YLPM1: variants seen among roughly 807,000 people sequenced by gnomAD.
YLPM1 encodes the protein YLP motif containing 1.
YLPM1 carries 99 observed loss-of-function variants against 230.0 expected under a neutral mutation model. The ratio of observed to expected loss-of-function variants is 0.43; its 90% CI spans 0.37 to 0.51. The LOEUF is 0.51. Ranked by LOEUF, YLPM1 falls within the 20% of genes least tolerant of loss-of-function variation. The pLI, the probability that YLPM1 is intolerant of heterozygous loss-of-function variation, is 0.00. For missense variants in YLPM1, 2,592 were observed against 2,707.7 expected (o/e 0.96, Z 0.95); for synonymous variants, 984 against 942.5 (o/e 1.04, Z -0.81).
chr14:74,794,065 A>G (rs1261585902), intron 4 of YLPM1, among the ~76,000 whole-genome samples: 2 of 152,060 alleles, frequency 1.3e-5, no homozygotes, highest in African/African-American at 2.4e-5. Context: ...CAAGATTTTC[A>G]TCTTCTGATT....
Position 74,836,906 on chromosome 14 carries a change from A to G in YLPM1, c.*1168A>G, listed in dbSNP as rs1222392019. 2.6e-5 allele frequency: 4 copies of G among 152,468 alleles called. No homozygotes were observed. Among genetic ancestry groups the G allele is most frequent in the East Asian group, 1.9e-4 (1 of 5,202 alleles). 9.4% of individuals were successfully genotyped at this position (152,468 alleles called of 1,614,324 possible). A position where few individuals can be genotyped will look rare whatever the true frequency, so the allele number is the denominator to read the frequency against. ...GGACTCTTCCCTTTTTCATCCTGCA[A>G]AGAAAAAAGTCATCTTTTAGCATGA... is the stretch of plus-strand genomic sequence containing the variant. On this transcript the variant is annotated 3_prime_UTR_variant, in exon 21 of 21. Transcript: ENST00000325680.
intron 2 of YLPM1, among the ~76,000 whole-genome samples, chr14:74,779,735 A>C (rs2091074923): frequency 6.7e-6 from 1 of 148,990 alleles, no homozygotes; most frequent in Non-Finnish European, 1.5e-5. Flanking sequence ...TCAGCCTCCC[A>C]GGCTCAAGTG....
Position 74,797,812 on chromosome 14 carries a change from G to A in YLPM1, c.2515G>A (p.Gly839Ser). ...TCGACAGAGTGGACCACAGTGGAAA[G>A]GCCCCAAACCAGCTTTTGGACAGCA... ...SPRQSGPQWK[G>S]PKPAFGQQHQ... Residue 839 changes from glycine to serine, a missense_variant, in exon 5 of 21, where the codon GGC becomes AGC. Transcript: ENST00000325680. 2 of 1,613,944 alleles carry A rather than the reference G, an allele frequency of 1.2e-6. No individual in the cohort carries two copies. Among genetic ancestry groups the A allele is most frequent in the Non-Finnish European group, 1.7e-6 (2 of 1,179,896 alleles).
At chr14:74,779,051 A>G (rs1048562831) in intron 2 of YLPM1, among the ~76,000 whole-genome samples, 1 of 152,134 alleles carries the variant, frequency 6.6e-6, no homozygotes, top group Non-Finnish European at 1.5e-5. Context: ...CATGTTGGCC[A>G]GGCTGGTTTC....
chr14:74,764,143 G>C lies in YLPM1; in HGVS notation c.654G>C (p.Leu218Phe). Residue 218 changes from leucine (L) to phenylalanine (F), a missense_variant, in exon 1 of 21, where the codon TTG becomes TTC. Leu to Phe is a conservative substitution (Grantham distance 22, BLOSUM62 0). Transcript: ENST00000325680. Reference protein sequence around the residue: ...SSSSSSSQSYLSHSQSYLPSS... With the variant: ...SSSSSSSQSYFSHSQSYLPSS... ...CCTCCTCTTCCTCGCAATCCTATTTGAGCCATTCCCAGTCCTACTTGCCCT... is the reference window on the plus strand; with the variant it reads ...CCTCCTCTTCCTCGCAATCCTATTTCAGCCATTCCCAGTCCTACTTGCCCT... 3 of 1,612,952 alleles carry C rather than the reference G, an allele frequency of 1.9e-6. No homozygotes were observed. The highest frequency in any genetic ancestry group is 2.5e-6 in the Non-Finnish European group (3 of 1,179,708).
chr14:74,809,325 T>C (rs1410459243), intron 6 of YLPM1, 55 bp from the exon 7 acceptor site: 3 of 1,524,218 alleles, frequency 2.0e-6, no homozygotes, highest in Non-Finnish European at 2.6e-6. Context: ...TTTCCACTGA[T>C]CTATAAAAAC....
chr14:74,835,020 AAG>A (rs1251865358), intron 19 of YLPM1: 2 of 394,378 alleles, frequency 5.1e-6, no homozygotes, highest in Non-Finnish European at 9.0e-6. Flanking sequence ...GCAGAGGAGA[AAG>A]AGAGGACAGG....
At position 74,835,298 on chromosome 14, in the gene YLPM1, G is replaced by A. The variant is rs760952021; in HGVS notation, c.6328G>A (p.Ala2110Thr). 1.9e-6 allele frequency: 3 copies of A among 1,613,660 alleles called. No individual in the cohort carries two copies. Among genetic ancestry groups the A allele is most frequent in the Non-Finnish European group, 2.5e-6 (3 of 1,179,656 alleles). Reference sequence around the variant, plus strand: ...GGCAGACCTGGAAGAGAAGAAGGATGCAGATAGGAAAAGGGCCATAGGTTT... The same window carrying A: ...GGCAGACCTGGAAGAGAAGAAGGATACAGATAGGAAAAGGGCCATAGGTTT... ...RWADLEEKKD[A>T]DRKRAIGFVV... Residue 2110 changes from alanine (A) to threonine (T), a missense_variant, in exon 20 of 21, where the codon GCA becomes ACA. Physicochemically the swap from Ala to Thr is moderately conservative, Grantham distance 58 (BLOSUM62 0). Around this residue, in one of 4 missense-constraint regions of YLPM1, gnomAD observed 315 missense variants for 429.3 expected, o/e 0.73. Coordinates refer to ENST00000325680, the MANE Select transcript of YLPM1 (RefSeq NM_019589.3).
chr14:74,798,187 G>C lies in YLPM1; in HGVS notation c.2890G>C (p.Gly964Arg), dbSNP rs573012041. 16 of 1,613,970 alleles carry C rather than the reference G, an allele frequency of 9.9e-6. No individual in the cohort carries two copies. In the South Asian group the frequency reaches 1.8e-4, roughly 18 times the overall value. Residue 964 changes from glycine (G) to arginine (R), a missense_variant, in exon 5 of 21, where the codon GGG (glycine) becomes CGG (arginine). Physicochemically the swap from Gly to Arg is moderately radical, Grantham distance 125. Transcript: ENST00000325680. ...AQSTFPSKTG[G>R]MEGGTAVATS... Reference sequence around the variant, plus strand: ...ATCTACTTTTCCTTCAAAAACAGGGGGGATGGAGGGAGGAACAGCAGTAGC... The same window carrying C: ...ATCTACTTTTCCTTCAAAAACAGGGCGGATGGAGGGAGGAACAGCAGTAGC...
chr14:74,769,040 ATATTTTT>A (rs1436587690), intron 1 of YLPM1, among the ~76,000 whole-genome samples: 14 of 151,390 alleles, frequency 9.2e-5, no homozygotes, highest in Non-Finnish European at 1.6e-4. Flanking sequence ...TTGTAAAGTG[ATATTTTT>A]TATTTTTTAT....
chr14:74,810,129 GC>G, intron 8 of YLPM1, 95 bp from the exon 9 acceptor site: 1 of 1,488,440 alleles, frequency 6.7e-7, no homozygotes, highest in Non-Finnish European at 9.0e-7. Context: ...TGAATTTATG[GC>G]AAAAATTTAT....
Position 74,816,974 on chromosome 14 carries a change from G to T in YLPM1, c.5729G>T (p.Arg1910Leu). The T allele has an allele frequency of 6.2e-7, 1 of 1,604,218 alleles. No homozygotes were observed. The change falls in exon 14 of 21, where the codon CGC (arginine) becomes CTC (leucine). Residue 1910 changes from arginine (R) to leucine (L), a missense_variant. By Grantham distance (102) the Arg-to-Leu change is moderately radical. Transcript: ENST00000325680. ...EYEAEMEETY[R>L]TSMFKTFKKT... is the part of the protein sequence containing the mutation. ...GAAGCTGAGATGGAGGAGACTTACC[G>T]CACCAGCATGTTCAAAACTTTCAAA...
At chr14:74,801,199 T>G (rs1357831940) in intron 5 of YLPM1, among the ~76,000 whole-genome samples, 1 of 152,186 alleles carries the variant, frequency 6.6e-6, no homozygotes, top group Non-Finnish European at 1.5e-5. Context: ...ATGAACATAA[T>G]TAAACAATAT....
intron 19 of YLPM1, among the ~76,000 whole-genome samples, chr14:74,831,216 G>T (rs933943891): frequency 1.3e-5 from 2 of 152,116 alleles, no homozygotes; most frequent in African/African-American, 4.8e-5. Flanking sequence ...TTTTCTCAGT[G>T]CCTTAATGTG....
At chr14:74,808,065 C>T (rs576798795) in intron 6 of YLPM1, among the ~76,000 whole-genome samples, 152 of 152,266 alleles carry the variant, frequency 1.0e-3, no homozygotes, top group Admixed American at 1.8e-3. Flanking sequence ...TTGAATCTTA[C>T]GTGGCTACCA....
In YLPM1 at chr14:74,799,057, C is replaced by T. The variant is rs374272243; in HGVS notation, c.3760C>T (p.Arg1254Trp). The T allele has an allele frequency of 3.7e-5, 60 of 1,613,778 alleles. No homozygotes were observed. Among genetic ancestry groups the T allele is most frequent in the Middle Eastern group, 1.6e-4 (1 of 6,084 alleles). The change falls in exon 5 of 21, where the codon CGG becomes TGG. Residue 1254 changes from arginine to tryptophan, a missense_variant. Arg to Trp is a moderately radical substitution (Grantham distance 101, BLOSUM62 -3). Coordinates refer to ENST00000325680, the MANE Select transcript of YLPM1 (RefSeq NM_019589.3). ...REDRFSAPPSRSHDGDRRGPW... is the reference protein window; with the variant it reads ...REDRFSAPPSWSHDGDRRGPW... The stretch of plus-strand genomic sequence containing the variant: ...GGACAGGTTCTCAGCACCACCATCT[C>T]GGTCTCATGATGGAGATAGGCGAGG...
At chr14:74,772,383 A>G (rs2090986280) in intron 1 of YLPM1, among the ~76,000 whole-genome samples, 1 of 146,188 alleles carries the variant, frequency 6.8e-6, no homozygotes, top group African/African-American at 2.5e-5. Context: ...TTTGAGATGG[A>G]GTCTCGCTCT....
chr14:74,835,210 G>C, intron 19 of YLPM1, 55 bp from the exon 20 acceptor site: 1 of 1,598,172 alleles, frequency 6.3e-7, no homozygotes, highest in Non-Finnish European at 8.5e-7. Context: ...GAGGGAGGGG[G>C]CTCTTTGCAT....
rs929425049 is a variant in YLPM1 at position 74,827,641 on chromosome 14, A to C, written c.6164-1572A>C. ...CTGAAATATGAAATTTTTACTTTGA[A>C]GTATGTTAATGTCAAAGTTGATCGT... On this transcript the variant is annotated intron_variant, in intron 18 of 20. Coordinates refer to ENST00000325680, the MANE Select transcript of YLPM1 (RefSeq NM_019589.3). The C allele has an allele frequency of 6.1e-6, 6 of 985,246 alleles. No homozygotes were observed. In the Admixed American group the frequency reaches 2.5e-4, roughly 40 times the overall value. The allele number at this position is 985,246 out of a possible 1,614,324, so 61.0% of individuals were successfully genotyped here. A position where few individuals can be genotyped will look rare whatever the true frequency, so the allele number is the denominator to read the frequency against.
Sources: gnomAD v4.1 joint callset for allele counts (sites outside exome capture counted in the v4.1 genomes callset) on GRCh38, gnomAD v4.1.1 for gene constraint, gnomAD v4.1.1 regional missense constraint, MANE v1.5 for transcripts, NCBI Gene and HGNC (gene_info 2026-07-23, HGNC 2026-07-21) for gene names.